Variants in F10 observed in about 807,000 individuals in gnomAD.
F10 encodes Stuart-Prower factor.
F10 carries 29 observed loss-of-function variants against 37.1 expected under a neutral mutation model. The observed-to-expected ratio is 0.78, with a 90% CI of 0.58 to 1.07. The LOEUF (loss-of-function observed/expected upper bound fraction) is 1.07. Among genes scored for constraint, F10 ranks in the 50% least tolerant of loss-of-function variants. F10 has a pLI of 0.00. For synonymous variants in F10, 262 were observed against 268.6 expected, an observed-to-expected ratio of 0.98 and a Z score of 0.24; for missense variants, 539 against 667.9, an observed-to-expected ratio of 0.81 and a Z score of 2.13.
intron 2 of F10, among the ~76,000 whole-genome samples, chr13:113,134,003 G>A (rs572912649): frequency 6.6e-6 from 1 of 152,230 alleles, no homozygotes; most frequent in South Asian, 2.1e-4. Context: ...CCTATCAGCA[G>A]AATATGAATA....
At chr13:113,138,507 T>C in intron 3 of F10, 26 bp downstream of exon 3, 1 of 1,365,380 alleles carries the variant, frequency 7.3e-7, no homozygotes, top group Non-Finnish European at 1.0e-6. Flanking sequence ...GTTTTAACCT[T>C]CAGTGAGAGG....
chr13:113,126,230 A>G (rs1179065724), intron 1 of F10, among the ~76,000 whole-genome samples: 1 of 151,938 alleles, frequency 6.6e-6, no homozygotes, highest in Non-Finnish European at 1.5e-5. Context: ...TCCTTGCATC[A>G]CCCTTTCCAC....
rs2036540242 is a variant in F10 at position 113,142,458 on chromosome 13, G to A, written c.503-1393G>A. Among the ~76,000 whole-genome samples the A allele has an allele frequency of 1.4e-5, 2 of 145,602 alleles. 1 individual carries two copies. The highest frequency in any genetic ancestry group is 3.1e-5 in the Non-Finnish European group (2 of 65,476). On this transcript the variant is annotated intron_variant, in intron 5 of 7. Coordinates refer to ENST00000375559, the MANE Select transcript of F10 (RefSeq NM_000504.4). ...CCAGCTGCTCAGGAGGCTGAGGCAA[G>A]AGAATGGCGTGAACCTGGAAGGCGG...
chr13:113,143,109 C>A lies in F10; in HGVS notation c.503-742C>A, dbSNP rs2036548053. Among the ~76,000 whole-genome samples, 1 of 152,064 alleles carries A rather than the reference C, an allele frequency of 6.6e-6. No individual in the cohort carries two copies. The highest frequency in any genetic ancestry group is 2.4e-5 in the African/African-American group (1 of 41,382). On this transcript the variant is annotated intron_variant, in intron 5 of 7. Coordinates refer to ENST00000375559, the MANE Select transcript of F10 (RefSeq NM_000504.4). This position sits in a 1 kb window ranked among gnomAD's most constrained non-coding sequence, Gnocchi z 6.8. The stretch of plus-strand genomic sequence containing the variant: ...CAGCAAGTAAACAGCTAAGCTGTGC[C>A]CATCTGACCCCAGACACGTGTGGCC...
intron 7 of F10, 134 bp downstream of exon 7, chr13:113,147,630 G>A (rs2036594340): frequency 4.3e-6 from 3 of 694,918 alleles, no homozygotes; most frequent in Non-Finnish European, 7.9e-6. Context: ...GGGGTTAGGG[G>A]CATTTCACAG....
chr13:113,129,701 G>C, intron 2 of F10, 89 bp downstream of exon 2: 2 of 1,555,102 alleles, frequency 1.3e-6, no homozygotes, highest in Non-Finnish European at 1.8e-6. Flanking sequence ...CCAGGGGGGC[G>C]GCCTGGAGGA....
rs1017010110 is a variant in F10, at chr13:113,144,862, C to T, written c.747+767C>T. On this transcript the variant is annotated intron_variant, in intron 6 of 7. Transcript: ENST00000375559. This position sits in a 1 kb window ranked among gnomAD's most constrained non-coding sequence, Gnocchi z 6.4. ...CCAAGTAGCTGGAATTACGGGCGCC[C>T]GCTACTTACGCCTGGCTAATTTTTT... is the stretch of plus-strand genomic sequence containing the variant. Among the ~76,000 whole-genome samples, 21 of 148,064 alleles carry T rather than the reference C, an allele frequency of 1.4e-4. No homozygotes were observed. Among genetic ancestry groups the T allele is most frequent in the East Asian group, 1.2e-3 (6 of 5,046 alleles).
intron 1 of F10, among the ~76,000 whole-genome samples, chr13:113,126,458 T>C (rs2036371120): frequency 6.6e-6 from 1 of 152,018 alleles, no homozygotes; most frequent in Admixed American, 6.5e-5. Flanking sequence ...CTGTGGCCGC[T>C]ATCACAGAAC....
rs976606880 is a variant in F10, at chr13:113,144,418, G to A, written c.747+323G>A. Among the ~76,000 whole-genome samples the A allele has an allele frequency of 2.6e-5, 4 of 152,190 alleles. No homozygotes were observed. Among genetic ancestry groups the A allele is most frequent in the African/African-American group, 9.7e-5 (4 of 41,450 alleles). On this transcript the variant is annotated intron_variant, in intron 6 of 7. Transcript: ENST00000375559. This position sits in a 1 kb window ranked among gnomAD's most constrained non-coding sequence, Gnocchi z 6.4. ...TGCTGTCCTGTGAAACAGAAGAGAGGGAGAAGGCGCAGCCACACGCTCAAG... is the reference window on the plus strand; with the variant it reads ...TGCTGTCCTGTGAAACAGAAGAGAGAGAGAAGGCGCAGCCACACGCTCAAG...
chr13:113,122,910 C>T lies in F10; in HGVS notation c.55C>T (p.Leu19=). The stretch of plus-strand genomic sequence containing the variant: ...CAGTGCCTCCCTGGCTGGCCTCCTG[C>T]TGCTCGGGGAAAGTCGTAAGTGCCC... ...LLSASLAGLL[L]LGESLFIRRE... is the part of the protein sequence containing the mutation. The change falls in exon 1 of 8, where the codon CTG becomes TTG. Residue 19 remains leucine (L), a synonymous_variant. Coordinates refer to ENST00000375559, the MANE Select transcript of F10 (RefSeq NM_000504.4). 6.2e-7 allele frequency: 1 copy of T among 1,610,268 alleles called. No individual in the cohort carries two copies. Among genetic ancestry groups the T allele is most frequent in the South Asian group, 1.1e-5 (1 of 91,076 alleles).
Position 113,144,023 on chromosome 13 carries a change from T to A in F10, c.675T>A (p.Pro225=). The change falls in exon 6 of 8, where the codon CCT becomes CCA. Residue 225 remains proline (P), a synonymous_variant. Coordinates refer to ENST00000375559, the MANE Select transcript of F10 (RefSeq NM_000504.4). This position sits in a 1 kb window ranked among gnomAD's most constrained non-coding sequence, Gnocchi z 6.4. ...FDLLDFNQTQ[P]ERGDNNLTRI... The stretch of plus-strand genomic sequence containing the variant: ...TGCTTGACTTCAACCAGACGCAGCC[T>A]GAGAGGGGCGACAACAACCTCACCA... The A allele has an allele frequency of 6.2e-7, 1 of 1,611,668 alleles. No homozygotes were observed. Among genetic ancestry groups the A allele is most frequent in the Non-Finnish European group, 8.5e-7 (1 of 1,179,728 alleles).
At chr13:113,142,313 G>A (rs1055697115) in intron 5 of F10, among the ~76,000 whole-genome samples, 7 of 152,028 alleles carry the variant, frequency 4.6e-5, no homozygotes, top group South Asian at 2.1e-4. Flanking sequence ...AGGCCAAGGC[G>A]GGCGGATCAT....
At chr13:113,133,299 A>G (rs937759896) in intron 2 of F10, among the ~76,000 whole-genome samples, 2 of 152,168 alleles carry the variant, frequency 1.3e-5, no homozygotes, top group African/African-American at 4.8e-5. Flanking sequence ...AACAAGACTG[A>G]CAGGAATAAA....
At chr13:113,125,722 A>T (rs2036364171) in intron 1 of F10, among the ~76,000 whole-genome samples, 1 of 152,262 alleles carries the variant, frequency 6.6e-6, no homozygotes, top group Non-Finnish European at 1.5e-5. Flanking sequence ...TTCAGTCCAG[A>T]GGGCTGAGCC....
At position 113,144,863 on chromosome 13, in the gene F10, G is replaced by A. The variant is rs963781733; in HGVS notation, c.747+768G>A. 2.8e-4 allele frequency among the ~76,000 whole-genome samples: 42 copies of A among 149,950 alleles called. No individual in the cohort carries two copies. The highest frequency in any genetic ancestry group is 1.2e-3 in the Admixed American group (18 of 15,084). ...CAAGTAGCTGGAATTACGGGCGCCC[G>A]CTACTTACGCCTGGCTAATTTTTTT... On this transcript the variant is annotated intron_variant, in intron 6 of 7. Transcript: ENST00000375559. The surrounding 1 kb of genome is among the most constrained non-coding windows in gnomAD (Gnocchi z 6.4).
At position 113,144,108 on chromosome 13, in the gene F10, T is replaced by C; in HGVS notation, c.747+13T>C. ...GTGTCCCTGGCAGGTAACAGTAGGA[T>C]GTCCCCTCGGGCCTGCTGGAGAGAC... On this transcript the variant is annotated intron_variant, in intron 6 of 7. Transcript: ENST00000375559. This position sits in a 1 kb window ranked among gnomAD's most constrained non-coding sequence, Gnocchi z 6.4. The C allele has an allele frequency of 1.2e-6, 2 of 1,613,404 alleles. No homozygotes were observed. Among genetic ancestry groups the C allele is most frequent in the Non-Finnish European group, 1.7e-6 (2 of 1,179,984 alleles).
At chr13:113,140,180 T>C (rs1429235763) in intron 4 of F10, among the ~76,000 whole-genome samples, 1 of 151,000 alleles carries the variant, frequency 6.6e-6, no homozygotes, top group Non-Finnish European at 1.5e-5. Flanking sequence ...TTCACGCCAT[T>C]CTCCTGCCTC....
At chr13:113,137,424 C>T (rs1217018692) in intron 2 of F10, among the ~76,000 whole-genome samples, 1 of 152,098 alleles carries the variant, frequency 6.6e-6, no homozygotes, top group Non-Finnish European at 1.5e-5. Flanking sequence ...ATGCTGGTGG[C>T]TACAGAAGTC....
At chr13:113,135,039 G>A (rs1165081309) in intron 2 of F10, among the ~76,000 whole-genome samples, 2 of 151,946 alleles carry the variant, frequency 1.3e-5, no homozygotes, top group African/African-American at 4.8e-5. Flanking sequence ...TCGGGAGTTC[G>A]AGACCAGCCT....
Sources: allele counts gnomAD v4.1 joint callset (sites outside exome capture counted in the v4.1 genomes callset), GRCh38; gene constraint gnomAD v4.1.1; non-coding constraint Gnocchi (gnomAD v3.1); transcripts MANE v1.5; gene names NCBI Gene and HGNC (gene_info 2026-07-23, HGNC 2026-07-21).